DIAPH2: variants seen among roughly 807,000 people sequenced by gnomAD.
The protein encoded by DIAPH2 is protein diaphanous homolog 2.
Under a neutral mutation model 92.7 loss-of-function variants are expected in DIAPH2, and 35 were observed. The ratio of observed to expected loss-of-function variants is 0.38; its 90% confidence interval spans 0.29 to 0.50. The LOEUF (loss-of-function observed/expected upper bound fraction) is 0.50, where lower values mean the gene tolerates loss of function less well. DIAPH2 is among the 20% of genes least tolerant of loss of function. The probability of loss-of-function intolerance (pLI) is 0.94; values close to 1 mark genes in which losing one functional copy is unlikely to be tolerated. For missense variants in DIAPH2, 701 were observed against 819.5 expected, an observed-to-expected ratio of 0.86 and a Z score of 1.77; for synonymous variants, 301 against 280.4, an observed-to-expected ratio of 1.07 and a Z score of -0.73.
chrX:97,317,857 T>C (rs778163324), intron 23 of DIAPH2, among the ~76,000 whole-genome samples: 1 of 111,845 alleles, frequency 8.9e-6, no homozygotes, highest in Non-Finnish European at 1.9e-5. Flanking sequence ...TTGACACATT[T>C]TAATTTATTT....
chrX:97,009,777 G>A (rs1454094063), intron 17 of DIAPH2, among the ~76,000 whole-genome samples: 1 of 111,771 alleles, frequency 8.9e-6, no homozygotes, highest in Admixed American at 9.4e-5. Context: ...ATGGTGCCCT[G>A]TCCTTCTGTG....
At chrX:97,548,146 G>A (rs1009149969) in intron 26 of DIAPH2, among the ~76,000 whole-genome samples, 9 of 111,884 alleles carry the variant, frequency 8.0e-5, no homozygotes, top group African/African-American at 2.9e-4. Flanking sequence ...GCAGACCTGA[G>A]GATACCTTGT....
chrX:97,141,580 G>A (rs2067208888), intron 21 of DIAPH2, 85 bp from the exon 22 acceptor site: 1 of 974,499 alleles, frequency 1.0e-6, no homozygotes, highest in Non-Finnish European at 1.4e-6. Flanking sequence ...ATTTTAAATG[G>A]GTTATAATAA....
chrX:96,824,939 CTTTCTTTTTTTTTT>C (rs771399129), intron 4 of DIAPH2, among the ~76,000 whole-genome samples: 191 of 107,022 alleles, frequency 1.8e-3, no homozygotes, highest in African/African-American at 6.1e-3. Context: ...TAATGTTTTT[CTTTCTTTTTTTTTT>C]TTTCTTTTTT....
intron 23 of DIAPH2, among the ~76,000 whole-genome samples, chrX:97,274,757 GTC>G (rs768746839): frequency 9.1e-6 from 1 of 109,902 alleles, no homozygotes; most frequent in East Asian, 2.9e-4. Flanking sequence ...GTGAACAAAA[GTC>G]TCTGGTTTTC....
intron 3 of DIAPH2, among the ~76,000 whole-genome samples, chrX:96,742,929 G>A (rs1233549282): frequency 1.8e-5 from 2 of 112,171 alleles, no homozygotes; most frequent in Admixed American, 9.4e-5. Flanking sequence ...CTCCCAAAGC[G>A]TTGGGATTAC....
intron 22 of DIAPH2, among the ~76,000 whole-genome samples, chrX:97,166,601 A>AT (rs968153316): frequency 2.7e-5 from 3 of 112,099 alleles, no homozygotes; most frequent in Non-Finnish European, 5.6e-5. Context: ...TGTGTTTCAT[A>AT]TTTTTTAAGT....
intron 24 of DIAPH2, among the ~76,000 whole-genome samples, chrX:97,368,964 G>A (rs942145002): frequency 1.7e-4 from 15 of 86,027 alleles, no homozygotes; most frequent in Non-Finnish European, 3.0e-4. Context: ...GGAGTGCAAT[G>A]GCACGATCTT....
intron 26 of DIAPH2, among the ~76,000 whole-genome samples, chrX:97,525,676 G>A (rs752977894): frequency 8.9e-6 from 1 of 112,126 alleles, no homozygotes; most frequent in East Asian, 2.8e-4. Context: ...GTAGCCTTGA[G>A]GTACAGTATA....
chrX:97,220,575 G>C (rs1321707664), intron 22 of DIAPH2, among the ~76,000 whole-genome samples: 3 of 111,583 alleles, frequency 2.7e-5, no homozygotes, highest in African/African-American at 9.8e-5. Context: ...TGGTAAAATG[G>C]GGATGAGGTG....
At chrX:97,070,000 A>G (rs182709807) in intron 17 of DIAPH2, among the ~76,000 whole-genome samples, 316 of 111,768 alleles carry the variant, frequency 2.8e-3, no homozygotes, top group African/African-American at 9.7e-3. Context: ...GAAATATAAG[A>G]ATACTCAGTG....
Position 97,270,388 on chromosome X carries a change from T to C in DIAPH2, c.2844+22549T>C, listed in dbSNP as rs776387389. Among the ~76,000 whole-genome samples, 301 of 112,280 alleles carry C rather than the reference T, an allele frequency of 2.7e-3. 1 individual carries two copies. The highest frequency in any genetic ancestry group is 9.3e-3 in the African/African-American group (289 of 30,972). On this transcript the variant is annotated intron_variant, in intron 23 of 26. Transcript: ENST00000324765. ...CTTGAAGGAGATACTATTAACCTCA[T>C]TTTACATGATAGGAAAACTGTGGTA...
chrX:96,718,790 A>T (rs892782987), intron 1 of DIAPH2, among the ~76,000 whole-genome samples: 1 of 111,887 alleles, frequency 8.9e-6, no homozygotes. Context: ...TCTTTTGGGT[A>T]TATACTCAGC....
At chrX:97,469,244 C>G (rs1456522484) in intron 26 of DIAPH2, among the ~76,000 whole-genome samples, 3 of 111,825 alleles carry the variant, frequency 2.7e-5, no homozygotes, top group Non-Finnish European at 5.6e-5. Flanking sequence ...GAAAAATAAA[C>G]TTATGTTTAA....
intron 22 of DIAPH2, among the ~76,000 whole-genome samples, chrX:97,191,889 G>A (rs901069309): frequency 9.0e-6 from 1 of 111,027 alleles, no homozygotes; most frequent in Non-Finnish European, 1.9e-5. Context: ...ATCTCAAAAG[G>A]AAGCAGTGAA....
intron 9 of DIAPH2, among the ~76,000 whole-genome samples, chrX:96,929,867 G>A (rs2065608468): frequency 1.8e-5 from 2 of 110,376 alleles, no homozygotes; most frequent in South Asian, 7.6e-4. Context: ...CAATTAGCCA[G>A]TTACCTTAGA....
chrX:97,203,795 G>A (rs1481427199), intron 22 of DIAPH2, among the ~76,000 whole-genome samples: 1 of 111,696 alleles, frequency 9.0e-6, no homozygotes, highest in African/African-American at 3.3e-5. Context: ...AACTGAAAAA[G>A]AGGGACTCCT....
chrX:97,355,179 A>G (rs989015749), intron 24 of DIAPH2, among the ~76,000 whole-genome samples: 1 of 111,933 alleles, frequency 8.9e-6, no homozygotes, highest in African/African-American at 3.2e-5. Context: ...GGCCTCAGTC[A>G]TGTCTAAATC....
intron 26 of DIAPH2, among the ~76,000 whole-genome samples, chrX:97,480,665 C>T (rs1009111818): frequency 1.1e-4 from 12 of 110,916 alleles, no homozygotes; most frequent in African/African-American, 3.9e-4. Context: ...ACTCACCATT[C>T]CTTACGAGAT....
Sources: allele counts gnomAD v4.1 joint callset (sites outside exome capture counted in the v4.1 genomes callset), GRCh38; gene constraint gnomAD v4.1.1; transcripts MANE v1.5; gene names NCBI Gene and HGNC (gene_info 2026-07-23, HGNC 2026-07-21).